Variants in ADAMTS2 observed in about 807,000 individuals in gnomAD.
ADAMTS2 encodes the protein ADAM metallopeptidase with thrombospondin type 1 motif 2.
A neutral mutation model predicts 123.0 loss-of-function variants in ADAMTS2; 50 were observed. The ratio of observed to expected loss-of-function variants is 0.41; its 90% CI spans 0.32 to 0.51. The LOEUF (loss-of-function observed/expected upper bound fraction) is 0.51. ADAMTS2 is among the 20% of genes least tolerant of loss of function. ADAMTS2 has a pLI of 0.35. For missense variants in ADAMTS2, 1,494 were observed against 1,705.2 expected, an observed-to-expected ratio of 0.88 and a Z score of 2.18; for synonymous variants, 678 against 695.4, an observed-to-expected ratio of 0.98 and a Z score of 0.39.
chr5:179,341,995 G>C (rs1397369265), intron 2 of ADAMTS2, among the ~76,000 whole-genome samples: 5 of 152,098 alleles, frequency 3.3e-5, no homozygotes, highest in African/African-American at 1.2e-4. Context: ...CATTCAAACA[G>C]CCCCCCAGGA....
Position 179,212,251 on chromosome 5 carries a change from G to T in ADAMTS2, c.689-4536C>A, listed in dbSNP as rs1394398311. 1.3e-5 allele frequency among the ~76,000 whole-genome samples: 2 copies of T among 148,738 alleles called. 1 individual carries two copies. The highest frequency in any genetic ancestry group is 4.9e-5 in the African/African-American group (2 of 40,492). ...GCAGTGGGCAGGCACGGGCTCTGTG[G>T]GCAGGTGTGGGCTCTGAAGGCAGGT... On this transcript the variant is annotated intron_variant, in intron 3 of 21. Coordinates refer to ENST00000251582, the MANE Select transcript of ADAMTS2 (RefSeq NM_014244.5).
chr5:179,204,781 C>T (rs907716225), intron 4 of ADAMTS2, among the ~76,000 whole-genome samples: 3 of 152,192 alleles, frequency 2.0e-5, no homozygotes, highest in Non-Finnish European at 4.4e-5. Context: ...AGATCAGAGG[C>T]AGAGACCCCC....
chr5:179,224,575 C>T (rs1324897011), intron 3 of ADAMTS2, among the ~76,000 whole-genome samples: 1 of 152,184 alleles, frequency 6.6e-6, no homozygotes. Context: ...ATTTTGCTCC[C>T]GTGAGAAAAG....
At chr5:179,224,099 A>G (rs866799865) in intron 3 of ADAMTS2, among the ~76,000 whole-genome samples, 2 of 152,126 alleles carry the variant, frequency 1.3e-5, no homozygotes, top group Admixed American at 6.5e-5. Context: ...CCTTGGTGGG[A>G]GCAGTTGGCC....
chr5:179,200,788 A>G (rs977338510), intron 4 of ADAMTS2, among the ~76,000 whole-genome samples: 18 of 152,208 alleles, frequency 1.2e-4, no homozygotes, highest in African/African-American at 3.4e-4. Flanking sequence ...ACACACAAAA[A>G]TGTAGGACAT....
intron 2 of ADAMTS2, among the ~76,000 whole-genome samples, chr5:179,284,282 T>C (rs113311236): frequency 0.29 from 43,795 of 151,124 alleles, 7,652 homozygotes; most frequent in Non-Finnish European, 0.38. Flanking sequence ...TGAGCCGAGA[T>C]TGCATCACTG....
intron 3 of ADAMTS2, among the ~76,000 whole-genome samples, chr5:179,268,198 G>T (rs1766424901): frequency 6.6e-6 from 1 of 152,304 alleles, no homozygotes; most frequent in Non-Finnish European, 1.5e-5. Context: ...GTCCCTCCTT[G>T]CAGGGCCTCC....
Position 179,129,626 on chromosome 5 carries a change from C to T in ADAMTS2, c.2457+306G>A, listed in dbSNP as rs1014345663. ...CAGAGTGTCACCGATTCCAATGTAACAGCACACTCGAACGAGCATGCTGAT... is the reference window on the plus strand; with the variant it reads ...CAGAGTGTCACCGATTCCAATGTAATAGCACACTCGAACGAGCATGCTGAT... On this transcript the variant is annotated intron_variant, in intron 16 of 21. Coordinates refer to ENST00000251582, the MANE Select transcript of ADAMTS2 (RefSeq NM_014244.5). The surrounding 1 kb of genome is among the most constrained non-coding windows in gnomAD (Gnocchi z 4.1). Among the ~76,000 whole-genome samples the T allele has an allele frequency of 6.6e-5, 10 of 152,180 alleles. No individual in the cohort carries two copies. The highest frequency in any genetic ancestry group is 6.5e-4 in the Admixed American group (10 of 15,282).
At chr5:179,196,556 C>T in intron 4 of ADAMTS2, among the ~76,000 whole-genome samples, 1 of 152,218 alleles carries the variant, frequency 6.6e-6, no homozygotes. Flanking sequence ...CCCGAAGTAG[C>T]CTCACCGGTC....
Position 179,132,349 on chromosome 5 carries a change from G to GAAGGC in ADAMTS2, c.2210-44_2210-40dup. On this transcript the variant is annotated intron_variant, in intron 14 of 21. Coordinates refer to ENST00000251582, the MANE Select transcript of ADAMTS2 (RefSeq NM_014244.5). The surrounding 1 kb of genome is among the most constrained non-coding windows in gnomAD (Gnocchi z 6.1). ...GGAAAGACACAGAAAACTGAGAAGGGAAGGCGCCGCTCAAATTCGCACCAT... is the reference window on the plus strand; with the variant it reads ...GGAAAGACACAGAAAACTGAGAAGGGAAGGCAAGGCGCCGCTCAAATTCGCACCAT... The GAAGGC allele has an allele frequency of 6.3e-7, 1 of 1,597,152 alleles. No individual in the cohort carries two copies. The highest frequency in any genetic ancestry group is 1.3e-5 in the African/African-American group (1 of 74,710).
In ADAMTS2 at chr5:179,113,686, G is replaced by T; in HGVS notation, c.*181C>A. ...GTCGCTCCTGGGCTGGGAAGCACACGTGCTAACCTAGTTACCACATGCTCA... is the reference window on the plus strand; with the variant it reads ...GTCGCTCCTGGGCTGGGAAGCACACTTGCTAACCTAGTTACCACATGCTCA... On this transcript the variant is annotated 3_prime_UTR_variant, in exon 22 of 22. Transcript: ENST00000251582. 1 of 673,176 alleles carries T rather than the reference G, an allele frequency of 1.5e-6. No homozygotes were observed. The highest frequency in any genetic ancestry group is 2.6e-6 in the Non-Finnish European group (1 of 389,036). The allele number at this position is 673,176 out of a possible 1,614,324, so 41.7% of individuals were successfully genotyped here. A position where few individuals can be genotyped will look rare whatever the true frequency, so the allele number is the denominator to read the frequency against.
intron 3 of ADAMTS2, among the ~76,000 whole-genome samples, chr5:179,239,967 G>A (rs539359949): frequency 2.0e-5 from 3 of 152,330 alleles, no homozygotes; most frequent in Non-Finnish European, 2.9e-5. Context: ...CTCTGGCAGA[G>A]TGGCACACAC....
At chr5:179,319,632 T>C (rs978021497) in intron 2 of ADAMTS2, among the ~76,000 whole-genome samples, 3 of 152,054 alleles carry the variant, frequency 2.0e-5, no homozygotes, top group African/African-American at 7.2e-5. Flanking sequence ...GGTGTTTATT[T>C]GGCCTTTTGC....
chr5:179,262,394 G>C lies in ADAMTS2; in HGVS notation c.688+10517C>G, dbSNP rs894000362. Among the ~76,000 whole-genome samples the C allele has an allele frequency of 6.6e-6, 1 of 151,754 alleles. No individual in the cohort carries two copies. The highest frequency in any genetic ancestry group is 1.5e-5 in the Non-Finnish European group (1 of 67,934). Reference sequence around the variant, plus strand: ...CCATCTGTCACCGGGACTCCTCCCTGCTTCCACACCGTCCACCGAAAACCC... The same window carrying C: ...CCATCTGTCACCGGGACTCCTCCCTCCTTCCACACCGTCCACCGAAAACCC... On this transcript the variant is annotated intron_variant, in intron 3 of 21. Transcript: ENST00000251582. The surrounding 1 kb of genome is among the most constrained non-coding windows in gnomAD (Gnocchi z 5.9).
In ADAMTS2 at chr5:179,181,033, G is replaced by C. The variant is rs753634203; in HGVS notation, c.975+39C>G. 11 of 1,531,292 alleles carry C rather than the reference G, an allele frequency of 7.2e-6. No individual in the cohort carries two copies. Among genetic ancestry groups the C allele is most frequent in the Non-Finnish European group, 9.0e-6 (10 of 1,105,536 alleles). 94.9% of individuals were successfully genotyped at this position (1,531,292 alleles called of 1,614,324 possible). A position where few individuals can be genotyped will look rare whatever the true frequency, so the allele number is the denominator to read the frequency against. ...CTCACTCCCAGGCCCCTCACTCCGA[G>C]GGGGTGGAGGCAGGCCCGGCTGGCC... On this transcript the variant is annotated intron_variant, in intron 5 of 21. Coordinates refer to ENST00000251582, the MANE Select transcript of ADAMTS2 (RefSeq NM_014244.5). This position sits in a 1 kb window ranked among gnomAD's most constrained non-coding sequence, Gnocchi z 4.1.
rs552355292 is a variant in ADAMTS2 at position 179,256,642 on chromosome 5, G to A, written c.688+16269C>T. ...CCAGGCAGGCGGGGCCAGCATGAGT[G>A]GGGGGGCCAGGCACGAATCGGCAGG... On this transcript the variant is annotated intron_variant, in intron 3 of 21. Transcript: ENST00000251582. The surrounding 1 kb of genome is among the most constrained non-coding windows in gnomAD (Gnocchi z 4.1). 6.7e-6 allele frequency among the ~76,000 whole-genome samples: 1 copy of A among 150,208 alleles called. No homozygotes were observed. Among genetic ancestry groups the A allele is most frequent in the Non-Finnish European group, 1.5e-5 (1 of 67,950 alleles).
chr5:179,155,386 T>A lies in ADAMTS2; in HGVS notation c.1133-467A>T, dbSNP rs1369440995. On this transcript the variant is annotated intron_variant, in intron 6 of 21. Transcript: ENST00000251582. The surrounding 1 kb of genome is among the most constrained non-coding windows in gnomAD (Gnocchi z 5.1). ...TCACACCCTCCAAGCCCACCTCCTC[T>A]GGGGGGCGTTTCTTGGGTCTCCCCG... Among the ~76,000 whole-genome samples, 1 of 152,142 alleles carries A rather than the reference T, an allele frequency of 6.6e-6. No individual in the cohort carries two copies. The highest frequency in any genetic ancestry group is 1.5e-5 in the Non-Finnish European group (1 of 68,018).
chr5:179,193,527 G>A (rs538124648), intron 4 of ADAMTS2, among the ~76,000 whole-genome samples: 1 of 152,298 alleles, frequency 6.6e-6, no homozygotes, highest in South Asian at 2.1e-4. Context: ...TCAGACGTCA[G>A]CATGGACGAT....
chr5:179,184,811 G>A lies in ADAMTS2; in HGVS notation c.892-3656C>T, dbSNP rs375751782. ...GCCTCACCATGAATTGTGGCTCTGA[G>A]TAGATCAGAGCCAGCCCTCCTGCCA... On this transcript the variant is annotated intron_variant, in intron 4 of 21. Coordinates refer to ENST00000251582, the MANE Select transcript of ADAMTS2 (RefSeq NM_014244.5). 3.3e-5 allele frequency among the ~76,000 whole-genome samples: 5 copies of A among 151,960 alleles called. No individual in the cohort carries two copies. The East Asian group carries it at 9.7e-4, about 30-fold the overall frequency.
Sources: gnomAD v4.1 joint callset for allele counts (sites outside exome capture counted in the v4.1 genomes callset) on GRCh38, gnomAD v4.1.1 for gene constraint, Gnocchi (gnomAD v3.1) non-coding constraint, MANE v1.5 for transcripts, NCBI Gene and HGNC (gene_info 2026-07-23, HGNC 2026-07-21) for gene names.